Variants in MLLT3 observed in about 807,000 individuals in gnomAD.
The protein encoded by MLLT3 is protein AF-9.
MLLT3 carries 4 observed loss-of-function variants against 53.2 expected under a neutral mutation model. The observed-to-expected ratio is 0.08, with a 90% CI of 0.04 to 0.17. The LOEUF is 0.17. Among genes scored for constraint, MLLT3 ranks in the 10% least tolerant of loss-of-function variants. The pLI is 1.00. For missense variants in MLLT3, 569 were observed against 684.0 expected, an observed-to-expected ratio of 0.83 and a Z score of 1.87; for synonymous variants, 283 against 230.6, an observed-to-expected ratio of 1.23 and a Z score of -2.06.
chr9:20,494,802 G>A lies in MLLT3; in HGVS notation c.194-38016C>T, dbSNP rs117182063. Among the ~76,000 whole-genome samples the A allele has an allele frequency of 3.8e-3, 571 of 152,106 alleles. 1 individual carries two copies. Among genetic ancestry groups the A allele is most frequent in the Non-Finnish European group, 6.2e-3 (423 of 67,980 alleles). On this transcript the variant is annotated intron_variant, in intron 2 of 10. Transcript: ENST00000380338. ...CTGAGTTTGTTATTTGAATACCCACGAGCAATTCATTTAATTTCATATATA... is the reference window on the plus strand; with the variant it reads ...CTGAGTTTGTTATTTGAATACCCACAAGCAATTCATTTAATTTCATATATA...
intron 5 of MLLT3, among the ~76,000 whole-genome samples, chr9:20,401,522 C>T (rs1446366162): frequency 6.6e-6 from 1 of 152,134 alleles, no homozygotes; most frequent in Non-Finnish European, 1.5e-5. Context: ...AATCAGGAAT[C>T]CAGCCCCTTC....
intron 2 of MLLT3, among the ~76,000 whole-genome samples, chr9:20,559,131 T>C (rs1819136041): frequency 6.6e-6 from 1 of 152,160 alleles, no homozygotes; most frequent in South Asian, 2.1e-4. Context: ...CACTGAGCAG[T>C]TTTGCTAATT....
rs76212027 is a variant in MLLT3, at chr9:20,557,027, G to A, written c.193+63627C>T. On this transcript the variant is annotated intron_variant, in intron 2 of 10. Transcript: ENST00000380338. ...AATGACTACGATTCAGAAGAAGAACGCAACCTACTGTTCCAGTCTTTAACT... is the reference window on the plus strand; with the variant it reads ...AATGACTACGATTCAGAAGAAGAACACAACCTACTGTTCCAGTCTTTAACT... Among the ~76,000 whole-genome samples the A allele has an allele frequency of 4.8e-4, 73 of 152,192 alleles. No homozygotes were observed. The East Asian group carries it at 0.014, about 28-fold the overall frequency.
At chr9:20,569,769 A>C (rs1819481791) in intron 2 of MLLT3, among the ~76,000 whole-genome samples, 1 of 152,168 alleles carries the variant, frequency 6.6e-6, no homozygotes, top group South Asian at 2.1e-4. Flanking sequence ...GTCATCTCTT[A>C]GCTATTTCAG....
intron 5 of MLLT3, among the ~76,000 whole-genome samples, chr9:20,404,837 T>C (rs542371449): frequency 6.6e-6 from 1 of 152,036 alleles, no homozygotes; most frequent in Non-Finnish European, 1.5e-5. Flanking sequence ...GTGTAGACTC[T>C]TGTACCACAC....
intron 2 of MLLT3, among the ~76,000 whole-genome samples, chr9:20,576,137 C>T (rs1029246110): frequency 3.3e-5 from 5 of 152,128 alleles, no homozygotes; most frequent in African/African-American, 4.8e-5. Context: ...TTCCTTAAAC[C>T]CCATAAAACA....
At chr9:20,599,304 C>CAAA (rs56820558) in intron 2 of MLLT3, among the ~76,000 whole-genome samples, 1 of 66,670 alleles carries the variant, frequency 1.5e-5, no homozygotes, top group Non-Finnish European at 3.4e-5. Context: ...ACTCTGTCTC[C>CAAA]AAAAAAAAAA....
intron 10 of MLLT3, among the ~76,000 whole-genome samples, chr9:20,350,990 G>C (rs1337007670): frequency 1.3e-5 from 2 of 152,124 alleles, no homozygotes; most frequent in Admixed American, 6.6e-5. Context: ...GGATAACATA[G>C]GTCTTCCCAT....
intron 2 of MLLT3, among the ~76,000 whole-genome samples, chr9:20,545,372 C>T (rs1248930599): frequency 6.6e-6 from 1 of 152,078 alleles, no homozygotes; most frequent in East Asian, 1.9e-4. Context: ...CACAGAAACA[C>T]AAAGTAGAAT....
intron 2 of MLLT3, among the ~76,000 whole-genome samples, chr9:20,464,384 G>A (rs1239738024): frequency 1.3e-5 from 2 of 152,104 alleles, no homozygotes; most frequent in Non-Finnish European, 2.9e-5. Context: ...TCTAGGGACT[G>A]TGGATAGAGC....
chr9:20,522,790 A>ATT (rs1818096977), intron 2 of MLLT3, among the ~76,000 whole-genome samples: 1 of 152,130 alleles, frequency 6.6e-6, no homozygotes, highest in Admixed American at 6.5e-5. Flanking sequence ...CAAAGGGCCC[A>ATT]GTGCAGTAGC....
At chr9:20,567,112 T>C (rs1819395964) in intron 2 of MLLT3, among the ~76,000 whole-genome samples, 1 of 150,784 alleles carries the variant, frequency 6.6e-6, no homozygotes, top group South Asian at 2.1e-4. Context: ...TTATAACTCA[T>C]TTTAGAAAAA....
chr9:20,409,604 C>T (rs184794730), intron 5 of MLLT3, among the ~76,000 whole-genome samples: 26 of 152,268 alleles, frequency 1.7e-4, no homozygotes, highest in Non-Finnish European at 1.5e-5. Flanking sequence ...CCACTGTACT[C>T]TAATGGGAAT....
rs188099936 is a variant in MLLT3 at position 20,525,227 on chromosome 9, T to C, written c.194-68441A>G. ...AAGACAAATTCAAGGCCGGGCACAG[T>C]GGCTCACGCCTGTAATCCCAGCACT... On this transcript the variant is annotated intron_variant, in intron 2 of 10. Transcript: ENST00000380338. 2.3e-3 allele frequency among the ~76,000 whole-genome samples: 344 copies of C among 151,596 alleles called. 1 individual carries two copies. Among genetic ancestry groups the C allele is most frequent in the South Asian group, 5.5e-3 (26 of 4,766 alleles).
At chr9:20,443,518 G>C (rs1479372573) in intron 4 of MLLT3, among the ~76,000 whole-genome samples, 1 of 152,106 alleles carries the variant, frequency 6.6e-6, no homozygotes. Context: ...CTTCATACAA[G>C]CAAAATACAA....
intron 2 of MLLT3, among the ~76,000 whole-genome samples, chr9:20,472,165 A>G (rs767728974): frequency 1.3e-5 from 2 of 151,998 alleles, no homozygotes; most frequent in Non-Finnish European, 2.9e-5. Flanking sequence ...TTATGTTAAA[A>G]CCCAGATATT....
intron 4 of MLLT3, among the ~76,000 whole-genome samples, chr9:20,435,956 C>T (rs1823391222): frequency 1.3e-5 from 2 of 152,076 alleles, no homozygotes; most frequent in South Asian, 4.1e-4. Context: ...GCCAAAGTAG[C>T]TCCCCCAGAG....
At chr9:20,499,586 A>G (rs1262702236) in intron 2 of MLLT3, among the ~76,000 whole-genome samples, 1 of 152,208 alleles carries the variant, frequency 6.6e-6, no homozygotes, top group Non-Finnish European at 1.5e-5. Flanking sequence ...TCATAGAGAT[A>G]CCTTCGAAAT....
chr9:20,349,444 C>T (rs12555173), intron 10 of MLLT3, among the ~76,000 whole-genome samples: 4 of 151,862 alleles, frequency 2.6e-5, no homozygotes, highest in Admixed American at 2.6e-4. Flanking sequence ...TTTCCTCTCG[C>T]CCCCAATGAG....
Sources: allele counts gnomAD v4.1 joint callset (sites outside exome capture counted in the v4.1 genomes callset), GRCh38; gene constraint gnomAD v4.1.1; transcripts MANE v1.5; gene names NCBI Gene and HGNC (gene_info 2026-07-23, HGNC 2026-07-21).